The following PCDHA8 variants were observed in gnomAD, a reference collection of about 807,000 sequenced individuals.
PCDHA8 encodes protocadherin alpha 8.
Under a neutral mutation model 61.8 loss-of-function variants are expected in PCDHA8, and 53 were observed. The ratio of observed to expected loss-of-function variants is 0.86; its 90% CI spans 0.69 to 1.08. The LOEUF (loss-of-function observed/expected upper bound fraction) is 1.08. PCDHA8 is among the 50% of genes least tolerant of loss of function. The pLI, the probability that PCDHA8 is intolerant of heterozygous loss-of-function variation, is 0.00. For synonymous variants in PCDHA8, 618 were observed against 556.6 expected (o/e 1.11, Z -1.55); for missense variants, 1,293 against 1,245.0 (o/e 1.04, Z -0.58).
chr5:140,966,258 A>G, intron 1 of PCDHA8: 1 of 337,520 alleles, frequency 3.0e-6, no homozygotes, highest in Non-Finnish European at 5.3e-6. Context: ...GAGACGGTGG[A>G]GACTGGATGA....
intron 1 of PCDHA8, among the ~76,000 whole-genome samples, chr5:140,970,958 C>T (rs1554232904): frequency 6.6e-6 from 1 of 152,106 alleles, no homozygotes; most frequent in Non-Finnish European, 1.5e-5. Context: ...CCATGGGAGG[C>T]AGATTGTAGA....
Position 140,863,430 on chromosome 5 carries a change from A to G in PCDHA8, c.2394+19715A>G, listed in dbSNP as rs782084592. ...CGCTGGTGTACCGCAGCGTAGTGGG[A>G]TCTGGTCTTACTCGCAGCAAAGGAG... On this transcript the variant is annotated intron_variant, in intron 1 of 3. Coordinates refer to ENST00000531613, the MANE Select transcript of PCDHA8 (RefSeq NM_018911.3). The G allele has an allele frequency of 4.5e-5, 29 of 647,180 alleles. 1 individual carries two copies. In the Admixed American group the frequency reaches 5.6e-4, roughly 13 times the overall value. The allele number at this position is 647,180 out of a possible 1,614,324, so 40.1% of individuals were successfully genotyped here. A position where few individuals can be genotyped will look rare whatever the true frequency, so the allele number is the denominator to read the frequency against.
At chr5:140,884,173 C>T in intron 1 of PCDHA8, 1 of 1,613,432 alleles carries the variant, frequency 6.2e-7, no homozygotes, top group Non-Finnish European at 8.5e-7. Context: ...GCACGACGCG[C>T]CCTCTGGACG....
intron 3 of PCDHA8, among the ~76,000 whole-genome samples, chr5:140,984,073 G>A (rs1294401230): frequency 4.6e-5 from 7 of 152,222 alleles, no homozygotes; most frequent in Non-Finnish European, 7.3e-5. Context: ...CAGTGCCAAC[G>A]ATGGAGTGAA....
At chr5:140,929,386 GAA>G in intron 1 of PCDHA8, 1 of 1,511,328 alleles carries the variant, frequency 6.6e-7, no homozygotes, top group Non-Finnish European at 8.9e-7. Context: ...GCTGTGTTTT[GAA>G]ATATTTCTTA....
At chr5:140,850,644 C>T in intron 1 of PCDHA8, 1 of 1,598,664 alleles carries the variant, frequency 6.3e-7, no homozygotes, top group Non-Finnish European at 8.6e-7. Flanking sequence ...CACGCTGCTG[C>T]TGTACACTGT....
At position 140,978,997 on chromosome 5, in the gene PCDHA8, G is replaced by C. The variant is rs782253140; in HGVS notation, c.2443G>C (p.Gly815Arg). The C allele has an allele frequency of 2.7e-5, 44 of 1,614,040 alleles. No individual in the cohort carries two copies. Among genetic ancestry groups the C allele is most frequent in the Non-Finnish European group, 3.6e-5 (43 of 1,180,028 alleles). ...GCGTTACTCTGCCTCCCTGAGAGCA[G>C]GCATGCACAGGTATGTATTTCCCTC... ...DWRYSASLRAGMHSSVHLEEA... is the reference protein window; with the variant it reads ...DWRYSASLRARMHSSVHLEEA... Residue 815 changes from glycine to arginine, a missense_variant, in exon 2 of 4, where the codon GGC becomes CGC. Transcript: ENST00000531613.
intron 1 of PCDHA8, among the ~76,000 whole-genome samples, chr5:140,888,737 A>T (rs1468383652): frequency 6.6e-6 from 1 of 152,036 alleles, no homozygotes; most frequent in Non-Finnish European, 1.5e-5. Context: ...TGTGAGCTCT[A>T]GGAATTATTC....
chr5:140,896,635 C>T (rs539969970), intron 1 of PCDHA8, among the ~76,000 whole-genome samples: 4 of 152,178 alleles, frequency 2.6e-5, no homozygotes, highest in South Asian at 4.1e-4. Context: ...CCTTGGCCTC[C>T]CAAAGTGCTA....
chr5:140,909,202 G>A (rs1849054), intron 1 of PCDHA8, among the ~76,000 whole-genome samples: 48,059 of 152,084 alleles, frequency 0.32, 7,957 homozygotes, highest in East Asian at 0.53. Context: ...ACACAAAGCC[G>A]GAGAGTTGAT....
At chr5:140,941,214 C>CCTTTCTTTCTTT (rs60032403) in intron 1 of PCDHA8, among the ~76,000 whole-genome samples, 2,129 of 122,416 alleles carry the variant, frequency 0.017, 41 homozygotes, top group Non-Finnish European at 0.024. Context: ...TTTCTTTCTT[C>CCTTTCTTTCTTT]CTTTCTTTCT....
intron 3 of PCDHA8, among the ~76,000 whole-genome samples, chr5:141,003,690 T>C (rs1441506131): frequency 2.0e-5 from 3 of 152,232 alleles, no homozygotes; most frequent in African/African-American, 7.2e-5. Flanking sequence ...TTTTAAAATA[T>C]ATCCCTACCA....
At chr5:141,009,150 G>T (rs1588228136) in intron 3 of PCDHA8, among the ~76,000 whole-genome samples, 1 of 152,300 alleles carries the variant, frequency 6.6e-6, no homozygotes, top group African/African-American at 2.4e-5. Context: ...CTGCCCTCTT[G>T]CTTGTCTGTA....
chr5:140,892,212 T>C (rs1554185117), intron 1 of PCDHA8, among the ~76,000 whole-genome samples: 5 of 152,236 alleles, frequency 3.3e-5, no homozygotes, highest in Admixed American at 2.6e-4. Context: ...TTTAAAATTG[T>C]ATCTTTATGG....
chr5:140,883,782 C>T (rs1434451644), intron 1 of PCDHA8: 1 of 1,612,468 alleles, frequency 6.2e-7, no homozygotes, highest in African/African-American at 1.3e-5. Flanking sequence ...CGTGCGCTGT[C>T]GAGCTACGTG....
At position 141,009,666 on chromosome 5, in the gene PCDHA8, G is replaced by T; in HGVS notation, c.2582G>T (p.Gly861Val). Residue 861 changes from glycine to valine, a missense_variant, in exon 4 of 4, where the codon GGT becomes GTT. Physicochemically the swap from Gly to Val is moderately radical, Grantham distance 109. Coordinates refer to ENST00000531613, the MANE Select transcript of PCDHA8 (RefSeq NM_018911.3). ...GAAGTGTCCCCTCCAGTCGGTGCGG[G>T]TGTCAACAGCAACAGCTGGACCTTT... ...AGEVSPPVGAGVNSNSWTFKY... is the reference protein window; with the variant it reads ...AGEVSPPVGAVVNSNSWTFKY... The T allele has an allele frequency of 1.2e-6, 2 of 1,614,080 alleles. No individual in the cohort carries two copies. The highest frequency in any genetic ancestry group is 1.7e-6 in the Non-Finnish European group (2 of 1,180,022).
chr5:140,959,254 G>A (rs1318438220), intron 1 of PCDHA8, among the ~76,000 whole-genome samples: 3 of 152,054 alleles, frequency 2.0e-5, no homozygotes, highest in Non-Finnish European at 2.9e-5. Context: ...GTGCATGACT[G>A]TAGTCCCAGC....
intron 3 of PCDHA8, among the ~76,000 whole-genome samples, chr5:140,989,708 G>T (rs2097355537): frequency 6.6e-6 from 1 of 152,154 alleles, no homozygotes; most frequent in South Asian, 2.1e-4. Context: ...ATCTTCAGAG[G>T]CAGTCAGCTT....
chr5:140,850,416 G>T, intron 1 of PCDHA8: 1 of 1,598,000 alleles, frequency 6.3e-7, no homozygotes, highest in Non-Finnish European at 8.6e-7. Flanking sequence ...GGACGAAACG[G>T]ACGCACCGCG....
Sources: gnomAD v4.1 joint callset for allele counts (sites outside exome capture counted in the v4.1 genomes callset) on GRCh38, gnomAD v4.1.1 for gene constraint, MANE v1.5 for transcripts, NCBI Gene and HGNC (gene_info 2026-07-23, HGNC 2026-07-21) for gene names.